SLC10A7: variants seen among roughly 807,000 people sequenced by gnomAD.
SLC10A7 encodes sodium/bile acid cotransporter 7.
Under a neutral mutation model 43.2 loss-of-function variants are expected in SLC10A7, and 29 were observed. The observed-to-expected ratio is 0.67, with a 90% CI of 0.50 to 0.92. The LOEUF is 0.92. Ranked by LOEUF, SLC10A7 falls within the 40% of genes least tolerant of loss-of-function variation. The probability of loss-of-function intolerance (pLI) is 0.00; values close to 1 mark genes in which losing one functional copy is unlikely to be tolerated. For synonymous variants in SLC10A7, 152 were observed against 144.8 expected, an observed-to-expected ratio of 1.05 and a Z score of -0.35; for missense variants, 295 against 403.2, an observed-to-expected ratio of 0.73 and a Z score of 2.30.
At chr4:146,340,494 C>T (rs1185514624) in intron 5 of SLC10A7, among the ~76,000 whole-genome samples, 1 of 150,308 alleles carries the variant, frequency 6.7e-6, no homozygotes, top group Non-Finnish European at 1.5e-5. Flanking sequence ...TATATATATA[C>T]ACATATACAT....
intron 10 of SLC10A7, among the ~76,000 whole-genome samples, chr4:146,263,890 C>G (rs1364710769): frequency 6.6e-6 from 1 of 152,252 alleles, no homozygotes; most frequent in Non-Finnish European, 1.5e-5. Context: ...CCCCATTGCT[C>G]TACAAGTACA....
At chr4:146,517,890 A>G (rs1440791959) in intron 1 of SLC10A7, among the ~76,000 whole-genome samples, 1 of 152,228 alleles carries the variant, frequency 6.6e-6, no homozygotes, top group Non-Finnish European at 1.5e-5. Flanking sequence ...TCTGCCCAAG[A>G]GTATTCATTC....
chr4:146,419,049 C>T (rs758897837), intron 5 of SLC10A7, among the ~76,000 whole-genome samples: 7 of 152,222 alleles, frequency 4.6e-5, no homozygotes, highest in South Asian at 4.1e-4. Context: ...GGAAGGGGCA[C>T]GGAGCTTCCA....
At chr4:146,472,195 ATG>A (rs10600379) in intron 4 of SLC10A7, among the ~76,000 whole-genome samples, 119,122 of 151,920 alleles carry the variant, frequency 0.78, 47,045 homozygotes, top group East Asian at 0.95. Flanking sequence ...CTGGGTACAA[ATG>A]TGTTAGAGCA....
intron 5 of SLC10A7, among the ~76,000 whole-genome samples, chr4:146,418,559 T>C (rs548523708): frequency 1.3e-5 from 2 of 152,350 alleles, no homozygotes; most frequent in East Asian, 3.9e-4. Context: ...AAAGATTTTT[T>C]TTAAAAAAGA....
rs560638965 is a variant in SLC10A7 at position 146,416,781 on chromosome 4, C to T, written c.435+26002G>A. Among the ~76,000 whole-genome samples, 115 of 152,276 alleles carry T rather than the reference C, an allele frequency of 7.6e-4. 2 individuals are homozygous for T. The highest frequency in any genetic ancestry group is 2.5e-3 in the African/African-American group (105 of 41,556). Reference sequence around the variant, plus strand: ...AGGTCCTAACTTTATAATCTGGACCCTTATTACATATCTGAATTCATCTTC... The same window carrying T: ...AGGTCCTAACTTTATAATCTGGACCTTTATTACATATCTGAATTCATCTTC... On this transcript the variant is annotated intron_variant, in intron 5 of 11. Transcript: ENST00000335472.
At chr4:146,335,251 TAAAAAAAAAAAAAAA>T (rs34522588) in intron 5 of SLC10A7, among the ~76,000 whole-genome samples, 1 of 92,640 alleles carries the variant, frequency 1.1e-5, no homozygotes, top group African/African-American at 4.3e-5. Flanking sequence ...ACAGATGTTG[TAAAAAAAAAAAAAAA>T]AAAAAAAAAA....
intron 5 of SLC10A7, among the ~76,000 whole-genome samples, chr4:146,374,081 T>C (rs1008751818): frequency 2.0e-5 from 3 of 152,342 alleles, no homozygotes; most frequent in Non-Finnish European, 4.4e-5. Flanking sequence ...TGGCCTCAGA[T>C]TGGAAGAGAC....
At chr4:146,312,501 T>C (rs776210907) in intron 6 of SLC10A7, among the ~76,000 whole-genome samples, 3 of 152,168 alleles carry the variant, frequency 2.0e-5, no homozygotes, top group Non-Finnish European at 4.4e-5. Flanking sequence ...TTAACTATAG[T>C]AGCGATGCTG....
intron 5 of SLC10A7, among the ~76,000 whole-genome samples, chr4:146,333,242 C>T (rs1017935787): frequency 2.0e-5 from 3 of 152,042 alleles, no homozygotes; most frequent in African/African-American, 7.2e-5. Context: ...TAAACATTAG[C>T]TTATTAGATT....
intron 5 of SLC10A7, among the ~76,000 whole-genome samples, chr4:146,423,408 A>G (rs1410118779): frequency 6.6e-6 from 1 of 152,196 alleles, no homozygotes; most frequent in East Asian, 1.9e-4. Flanking sequence ...TGAAAATTAC[A>G]ATAATAGTTG....
At chr4:146,389,395 G>A (rs1054354696) in intron 5 of SLC10A7, among the ~76,000 whole-genome samples, 11 of 151,756 alleles carry the variant, frequency 7.2e-5, no homozygotes, top group African/African-American at 2.7e-4. Flanking sequence ...GGAAAAGTCA[G>A]TTGTCTGCAA....
At chr4:146,379,314 C>T (rs1314782330) in intron 5 of SLC10A7, among the ~76,000 whole-genome samples, 5 of 152,162 alleles carry the variant, frequency 3.3e-5, no homozygotes, top group Non-Finnish European at 1.5e-5. Context: ...CACATATATA[C>T]ATGTATCTGC....
intron 5 of SLC10A7, among the ~76,000 whole-genome samples, chr4:146,383,456 T>C (rs1174395281): frequency 6.6e-6 from 1 of 151,838 alleles, no homozygotes; most frequent in African/African-American, 2.4e-5. Context: ...TTCATTTGCA[T>C]AGAGCATACA....
At chr4:146,271,799 C>G (rs371194906) in intron 10 of SLC10A7, among the ~76,000 whole-genome samples, 7 of 152,262 alleles carry the variant, frequency 4.6e-5, no homozygotes, top group African/African-American at 1.7e-4. Context: ...ACATGCCAAG[C>G]GCACTGCTGC....
At chr4:146,442,751 TG>T in intron 5 of SLC10A7, 31 bp downstream of exon 5, 2 of 1,599,534 alleles carry the variant, frequency 1.3e-6, no homozygotes, top group Non-Finnish European at 1.7e-6. Context: ...CAGCAAAAGT[TG>T]TAATAGACAA....
At chr4:146,383,314 G>A (rs188801910) in intron 5 of SLC10A7, among the ~76,000 whole-genome samples, 13 of 152,256 alleles carry the variant, frequency 8.5e-5, no homozygotes, top group African/African-American at 3.1e-4. Flanking sequence ...GGAACCTAAG[G>A]ACTTCCTAGA....
chr4:146,347,543 A>G (rs1734710023), intron 5 of SLC10A7, among the ~76,000 whole-genome samples: 1 of 152,182 alleles, frequency 6.6e-6, no homozygotes, highest in Non-Finnish European at 1.5e-5. Flanking sequence ...TTAGAATCTT[A>G]AGACTGTCCA....
chr4:146,426,899 C>T (rs558754074), intron 5 of SLC10A7, among the ~76,000 whole-genome samples: 1 of 152,042 alleles, frequency 6.6e-6, no homozygotes, highest in Non-Finnish European at 1.5e-5. Flanking sequence ...CAAAATAAAC[C>T]TATAACAAAA....
Sources: gnomAD v4.1 joint callset for allele counts (sites outside exome capture counted in the v4.1 genomes callset) on GRCh38, gnomAD v4.1.1 for gene constraint, MANE v1.5 for transcripts, NCBI Gene and HGNC (gene_info 2026-07-23, HGNC 2026-07-21) for gene names.